Variants in GPM6B observed in about 807,000 individuals in gnomAD.
GPM6B encodes neuronal membrane glycoprotein M6-b.
Under a neutral mutation model 27.2 loss-of-function variants are expected in GPM6B, and 4 were observed. The observed-to-expected ratio is 0.15, with a 90% confidence interval of 0.07 to 0.34. The LOEUF (loss-of-function observed/expected upper bound fraction) is 0.34. GPM6B is among the 10% of genes least tolerant of loss of function. The pLI, the probability that GPM6B is intolerant of heterozygous loss-of-function variation, is 1.00. For synonymous variants in GPM6B, 124 were observed against 103.1 expected, an observed-to-expected ratio of 1.20 and a Z score of -1.23; for missense variants, 183 against 261.9, an observed-to-expected ratio of 0.70 and a Z score of 2.08.
intron 2 of GPM6B, among the ~76,000 whole-genome samples, chrX:13,793,454 G>A (rs1013733355): frequency 1.8e-5 from 2 of 111,358 alleles, no homozygotes; most frequent in Admixed American, 9.6e-5. Flanking sequence ...AGGTTCTTAA[G>A]CTTGCTAAAA....
rs182407280 is a variant in GPM6B at position 13,866,709 on chromosome X, C to T, written c.-198+71618G>A. 4.0e-3 allele frequency among the ~76,000 whole-genome samples: 446 copies of T among 110,274 alleles called. 2 individuals are homozygous for T. Among genetic ancestry groups the T allele is most frequent in the African/African-American group, 0.013 (408 of 30,346 alleles). Reference sequence around the variant, plus strand: ...TGAGCTTCAGCCAGGGAAGAGTAGACGAAAAAAATCTAATGAAGAGAGAAC... The same window carrying T: ...TGAGCTTCAGCCAGGGAAGAGTAGATGAAAAAAATCTAATGAAGAGAGAAC... On this transcript the variant is annotated intron_variant, in intron 1 of 6. Transcript: ENST00000398361.
In GPM6B at chrX:13,932,516, T is replaced by C. The variant is rs1423322538; in HGVS notation, c.-198+5811A>G. 8.0e-5 allele frequency among the ~76,000 whole-genome samples: 9 copies of C among 112,240 alleles called. No homozygotes were observed. In the Admixed American group the frequency reaches 8.5e-4, roughly 11 times the overall value. On this transcript the variant is annotated intron_variant, in intron 1 of 6. Transcript: ENST00000398361. ...CTTGTTTATTTTTTGCTTCAAGACT[T>C]AGCACAGTACTTGGCTCATCTGAAC...
intron 1 of GPM6B, among the ~76,000 whole-genome samples, chrX:13,919,718 C>T (rs1417947572): frequency 2.7e-5 from 3 of 111,544 alleles, no homozygotes; most frequent in Non-Finnish European, 3.8e-5. Flanking sequence ...TGAACATAAC[C>T]GAGAATTTCT....
rs192241278 is a variant in GPM6B, at chrX:13,837,217, C to G, written c.-197-51409G>C. ...ATGTATCTAGATATCCCTTCAATCA[C>G]AACCTTGATATCTCATAAAGTTGTT... On this transcript the variant is annotated intron_variant, in intron 1 of 6. Transcript: ENST00000398361. 8.7e-5 allele frequency among the ~76,000 whole-genome samples: 5 copies of G among 57,599 alleles called. No homozygotes were observed. In the Admixed American group the frequency reaches 1.2e-3, roughly 14 times the overall value. 50.0% of individuals were successfully genotyped at this position (57,599 alleles called of 115,157 possible). A position where few individuals can be genotyped will look rare whatever the true frequency, so the allele number is the denominator to read the frequency against.
intron 1 of GPM6B, among the ~76,000 whole-genome samples, chrX:13,913,366 G>C (rs1215619729): frequency 9.2e-6 from 1 of 109,249 alleles, no homozygotes; most frequent in Non-Finnish European, 1.9e-5. Flanking sequence ...TCTTGCCCAG[G>C]CTGGTCGAAC....
chrX:13,924,271 G>A (rs1030711984), intron 1 of GPM6B, among the ~76,000 whole-genome samples: 16 of 111,778 alleles, frequency 1.4e-4, no homozygotes, highest in African/African-American at 4.9e-4. Flanking sequence ...TAAGTATTTG[G>A]TGAATGGATA....
At chrX:13,896,803 G>A (rs1372112041) in intron 1 of GPM6B, among the ~76,000 whole-genome samples, 2 of 111,440 alleles carry the variant, frequency 1.8e-5, no homozygotes, top group African/African-American at 6.5e-5. Context: ...CCTGACCTCA[G>A]GTGATCCACC....
rs59021977 is a variant in GPM6B at position 13,851,661 on chromosome X, C to T, written c.-197-65853G>A. Among the ~76,000 whole-genome samples, 2,434 of 106,524 alleles carry T rather than the reference C, an allele frequency of 0.023. 71 individuals are homozygous for T. In the South Asian group the frequency reaches 0.23, roughly 10 times the overall value. 92.5% of individuals were successfully genotyped at this position (106,524 alleles called of 115,157 possible). Reference sequence around the variant, plus strand: ...TGAAAAAAAAAAAACCAGCTGAAATCGAGGGACAATGATCCCATCTTGCAC... The same window carrying T: ...TGAAAAAAAAAAAACCAGCTGAAATTGAGGGACAATGATCCCATCTTGCAC... On this transcript the variant is annotated intron_variant, in intron 1 of 6. Coordinates refer to the GPM6B transcript ENST00000398361.
At chrX:13,776,417 G>A (rs978317580) in intron 6 of GPM6B, 114 bp from the exon 7 acceptor site, 3 of 557,031 alleles carry the variant, frequency 5.4e-6, no homozygotes, top group Non-Finnish European at 8.7e-6. Context: ...GCAAGACTGG[G>A]CACAGGCCTG....
chrX:13,883,684 T>A (rs1356319242), intron 1 of GPM6B, among the ~76,000 whole-genome samples: 6 of 85,218 alleles, frequency 7.0e-5, no homozygotes, highest in Admixed American at 6.6e-4. Context: ...ATAACGAGAC[T>A]TCGTCTCTTA....
chrX:13,860,345 A>G (rs1603088301), intron 1 of GPM6B, among the ~76,000 whole-genome samples: 1 of 109,374 alleles, frequency 9.1e-6, no homozygotes, highest in East Asian at 2.9e-4. Context: ...AGGTTATAAC[A>G]CTCTTTGGTA....
rs760139601 is a variant in GPM6B at position 13,771,388 on chromosome X, A to T, written c.*1493T>A. Reference sequence around the variant, plus strand: ...CACAGAAGAGAGCTTCTCTTAATTTAAAAAAAAAAAAAAATCCCAAATAGG... The same window carrying T: ...CACAGAAGAGAGCTTCTCTTAATTTTAAAAAAAAAAAAAATCCCAAATAGG... On this transcript the variant is annotated 3_prime_UTR_variant, in exon 8 of 8. Transcript: ENST00000316715. The T allele has an allele frequency of 0.01, 586 of 56,986 alleles. 4 individuals are homozygous for T. The highest frequency in any genetic ancestry group is 0.013 in the Non-Finnish European group (441 of 34,646). 4.7% of individuals were successfully genotyped at this position (56,986 alleles called of 1,213,427 possible).
At chrX:13,806,828 G>A (rs759338659) in intron 2 of GPM6B, among the ~76,000 whole-genome samples, 4 of 111,880 alleles carry the variant, frequency 3.6e-5, no homozygotes, top group East Asian at 2.8e-4. Flanking sequence ...GTGTTTATCC[G>A]ACCTACCACC....
At chrX:13,774,574 CTT>C in intron 7 of GPM6B, 2 of 1,210,298 alleles carry the variant, frequency 1.7e-6, no homozygotes, top group Non-Finnish European at 1.1e-6. Context: ...CTTCCCGACT[CTT>C]AAACTTCAAA....
chrX:13,833,958 T>C (rs1011870006), intron 1 of GPM6B, among the ~76,000 whole-genome samples: 3 of 112,884 alleles, frequency 2.7e-5, no homozygotes, highest in African/African-American at 9.7e-5. Context: ...GGGCAGGCTA[T>C]GTACCTTCAT....
upstream of GPM6B, among the ~76,000 whole-genome samples, chrX:13,818,715 G>A (rs1030166788): frequency 1.2e-4 from 13 of 112,375 alleles, no homozygotes; most frequent in East Asian, 1.7e-3. Flanking sequence ...AAAAAGATTC[G>A]TTTGTGATAT....
chrX:13,876,300 C>T (rs1400984233), intron 1 of GPM6B, among the ~76,000 whole-genome samples: 2 of 112,062 alleles, frequency 1.8e-5, no homozygotes, highest in Non-Finnish European at 3.8e-5. Flanking sequence ...TCCAGATCAC[C>T]AATAAGTGTA....
chrX:13,923,813 C>T (rs1003493133), intron 1 of GPM6B, among the ~76,000 whole-genome samples: 1 of 112,011 alleles, frequency 8.9e-6, no homozygotes, highest in Non-Finnish European at 1.9e-5. Flanking sequence ...TGTAATGGTG[C>T]ACATCAAGTC....
At chrX:13,921,575 C>T (rs1027142915) in intron 1 of GPM6B, among the ~76,000 whole-genome samples, 6 of 59,982 alleles carry the variant, frequency 1.0e-4, no homozygotes, top group African/African-American at 2.6e-4. Flanking sequence ...ATTTATAACC[C>T]CCCCCCTTTT....
Sources: gnomAD v4.1 joint callset for allele counts (sites outside exome capture counted in the v4.1 genomes callset) on GRCh38, gnomAD v4.1.1 for gene constraint, MANE v1.5 for transcripts, NCBI Gene and HGNC (gene_info 2026-07-23, HGNC 2026-07-21) for gene names.